RPRD2: variants seen among roughly 807,000 people sequenced by gnomAD.
RPRD2 encodes regulation of nuclear pre-mRNA domain-containing protein 2.
RPRD2 carries 12 observed loss-of-function variants against 104.4 expected under a neutral mutation model. That is an observed-to-expected ratio of 0.11 (90% CI 0.07 to 0.19). The LOEUF is 0.19. Ranked by LOEUF, RPRD2 falls within the 10% of genes least tolerant of loss-of-function variation. The pLI, the probability that RPRD2 is intolerant of heterozygous loss-of-function variation, is 1.00. For synonymous variants in RPRD2, 714 were observed against 684.9 expected, an observed-to-expected ratio of 1.04 and a Z score of -0.66; for missense variants, 1,543 against 1,790.1, an observed-to-expected ratio of 0.86 and a Z score of 2.49.
In RPRD2 at chr1:150,382,699, G is replaced by A. The variant is rs587688774; in HGVS notation, c.205+17780G>A. 2.6e-5 allele frequency among the ~76,000 whole-genome samples: 4 copies of A among 152,130 alleles called. No homozygotes were observed. In the East Asian group the frequency reaches 5.8e-4, roughly 22 times the overall value. On this transcript the variant is annotated intron_variant, in intron 1 of 10. Transcript: ENST00000369068. ...AATATAAATGCATCTTGTTGGGTGC[G>A]GTGGTACTTGCCTATAGTCCCAGCT...
intron 4 of RPRD2, 99 bp downstream of exon 4, chr1:150,442,057 C>A: frequency 1.1e-6 from 1 of 872,692 alleles, no homozygotes; most frequent in Non-Finnish European, 1.7e-6. Flanking sequence ...AAACCATGGG[C>A]AAGCCTGTTT....
chr1:150,455,987 C>T (rs919831935), intron 7 of RPRD2, among the ~76,000 whole-genome samples: 1 of 151,882 alleles, frequency 6.6e-6, no homozygotes, highest in Non-Finnish European at 1.5e-5. Flanking sequence ...CTACTATGCC[C>T]AGCTAATTTT....
Position 150,472,403 on chromosome 1 carries a change from G to T in RPRD2, c.3455G>T (p.Gly1152Val). Reference sequence around the variant, plus strand: ...AGTGCCTCTGAGTTGGCATCCCTTGGGGGTGGGGGCAGCGGAGGCCTCACT... The same window carrying T: ...AGTGCCTCTGAGTTGGCATCCCTTGTGGGTGGGGGCAGCGGAGGCCTCACT... Reference protein sequence around the residue: ...PSSASELASLGGGGSGGLTGF... With the variant: ...PSSASELASLVGGGSGGLTGF... Residue 1152 changes from glycine (G) to valine (V), a missense_variant, in exon 11 of 11, where the codon GGG becomes GTG. Gly to Val is a moderately radical substitution (Grantham distance 109). Coordinates refer to ENST00000369068, the MANE Select transcript of RPRD2 (RefSeq NM_015203.5). The T allele has an allele frequency of 6.2e-7, 1 of 1,613,942 alleles. No individual in the cohort carries two copies. The highest frequency in any genetic ancestry group is 8.5e-7 in the Non-Finnish European group (1 of 1,179,868).
In RPRD2 at chr1:150,401,385, C is replaced by T. The variant is rs587698954; in HGVS notation, c.206-16211C>T. On this transcript the variant is annotated intron_variant, in intron 1 of 10. Transcript: ENST00000369068. ...AGCCTGTAGTTACAGCTACTCGGGA[C>T]GCCAAGGCAGAAGAATTGCTTGAAC... Among the ~76,000 whole-genome samples, 42 of 151,636 alleles carry T rather than the reference C, an allele frequency of 2.8e-4. 1 individual carries two copies. In the East Asian group the frequency reaches 7.8e-3, roughly 28 times the overall value.
In RPRD2 at chr1:150,471,762, C is replaced by A; in HGVS notation, c.2814C>A (p.Phe938Leu). ...SPSPSKNDSF[F>L]TPDSNHNSLS... is the part of the protein sequence containing the mutation. Reference sequence around the variant, plus strand: ...CACCGAGTAAGAATGATTCATTTTTCACCCCTGACTCCAACCACAATAGCT... The same window carrying A: ...CACCGAGTAAGAATGATTCATTTTTAACCCCTGACTCCAACCACAATAGCT... Residue 938 changes from phenylalanine to leucine, a missense_variant, in exon 11 of 11, where the codon TTC becomes TTA. By Grantham distance (22) the Phe-to-Leu change is conservative. Coordinates refer to ENST00000369068, the MANE Select transcript of RPRD2 (RefSeq NM_015203.5). The surrounding 1 kb of genome is among the most constrained non-coding windows in gnomAD (Gnocchi z 5.3). The A allele has an allele frequency of 6.2e-7, 1 of 1,613,906 alleles. No homozygotes were observed. The highest frequency in any genetic ancestry group is 8.5e-7 in the Non-Finnish European group (1 of 1,179,854).
At chr1:150,397,000 G>A (rs1662580396) in intron 1 of RPRD2, among the ~76,000 whole-genome samples, 1 of 152,040 alleles carries the variant, frequency 6.6e-6, no homozygotes, top group African/African-American at 2.4e-5. Flanking sequence ...TTGAGACAGA[G>A]TCTTGCTCTG....
chr1:150,463,359 T>TAAAAATAAA (rs1553899254), intron 9 of RPRD2, among the ~76,000 whole-genome samples: 6 of 152,150 alleles, frequency 3.9e-5, no homozygotes, highest in Non-Finnish European at 5.9e-5. Context: ...AAATAAAGTA[T>TAAAAATAAA]TTTAATATAT....
intron 2 of RPRD2, among the ~76,000 whole-genome samples, chr1:150,433,646 G>A (rs1285837786): frequency 3.4e-5 from 5 of 148,362 alleles, no homozygotes; most frequent in East Asian, 1.9e-4. Context: ...GGGTTTCACA[G>A]TGTTAGCCAG....
intron 2 of RPRD2, among the ~76,000 whole-genome samples, chr1:150,439,007 G>A (rs1006781085): frequency 2.0e-5 from 3 of 151,978 alleles, no homozygotes; most frequent in Non-Finnish European, 4.4e-5. Flanking sequence ...GCTAATTTTT[G>A]TATTTTTAGT....
At chr1:150,466,224 A>G (rs1668262841) in intron 10 of RPRD2, among the ~76,000 whole-genome samples, 1 of 151,714 alleles carries the variant, frequency 6.6e-6, no homozygotes, top group Admixed American at 6.6e-5. Context: ...TAAAAATACA[A>G]AAAATTAGCC....
In RPRD2 at chr1:150,471,336, TGAA is replaced by T; in HGVS notation, c.2389_2391del (p.Glu797del). ...CATATCGACCCTTTGGTCTGGGCAG[TGAA>T]TCTCCCTATAAGCAGCCTTCTGATG... On this transcript the variant is annotated inframe_deletion, in exon 11 of 11. Transcript: ENST00000369068. This position sits in a 1 kb window ranked among gnomAD's most constrained non-coding sequence, Gnocchi z 5.3. 6.2e-7 allele frequency: 1 copy of T among 1,613,536 alleles called. No individual in the cohort carries two copies. The highest frequency in any genetic ancestry group is 1.3e-5 in the African/African-American group (1 of 74,888).
chr1:150,373,554 T>TTTTTTTTC (rs1660481918), intron 1 of RPRD2, among the ~76,000 whole-genome samples: 1 of 148,728 alleles, frequency 6.7e-6, no homozygotes, highest in African/African-American at 2.5e-5. Context: ...TTTTTTTTTT[T>TTTTTTTTC]AGCTTGAGCA....
chr1:150,389,972 T>C (rs1478207324), intron 1 of RPRD2, among the ~76,000 whole-genome samples: 1 of 152,152 alleles, frequency 6.6e-6, no homozygotes, highest in Non-Finnish European at 1.5e-5. Flanking sequence ...AGATGCTGAA[T>C]TGAACCTGGG....
intron 2 of RPRD2, among the ~76,000 whole-genome samples, chr1:150,436,144 A>C (rs1323919720): frequency 3.3e-5 from 5 of 152,138 alleles, no homozygotes; most frequent in African/African-American, 4.8e-5. Context: ...AAAAAAAAAA[A>C]ACACAGATTC....
At chr1:150,434,766 A>ACT (rs1665880894) in intron 2 of RPRD2, among the ~76,000 whole-genome samples, 2 of 152,296 alleles carry the variant, frequency 1.3e-5, no homozygotes, top group African/African-American at 4.8e-5. Context: ...GCAGTGAGCC[A>ACT]GGATCACGCC....
chr1:150,429,799 A>G (rs782401192), intron 2 of RPRD2, among the ~76,000 whole-genome samples: 4 of 152,236 alleles, frequency 2.6e-5, no homozygotes, highest in Non-Finnish European at 5.9e-5. Flanking sequence ...CTGGCAGAAT[A>G]GTCAACCATC....
chr1:150,464,600 A>G lies in RPRD2; in HGVS notation c.1485A>G (p.Thr495=). 2 of 1,594,734 alleles carry G rather than the reference A, an allele frequency of 1.3e-6. No individual in the cohort carries two copies. Among genetic ancestry groups the G allele is most frequent in the South Asian group, 2.2e-5 (2 of 89,216 alleles). Residue 495 remains threonine (T), a synonymous_variant, in exon 10 of 11, where the codon ACA becomes ACG. Coordinates refer to ENST00000369068, the MANE Select transcript of RPRD2 (RefSeq NM_015203.5). ...SPSNLTSGLK[T]PAPATTTSHN... ...GCAACCTCACCAGTGGCCTGAAAAC[A>G]CCTGCACCTGCCACGACAACATCTC...
At position 150,472,770 on chromosome 1, in the gene RPRD2, C is replaced by T; in HGVS notation, c.3822C>T (p.Pro1274=). 6.2e-7 allele frequency: 1 copy of T among 1,610,962 alleles called. No homozygotes were observed. Among genetic ancestry groups the T allele is most frequent in the Non-Finnish European group, 8.5e-7 (1 of 1,177,184 alleles). The change falls in exon 11 of 11, where the codon CCC becomes CCT. Residue 1274 remains proline, a synonymous_variant. Coordinates refer to ENST00000369068, the MANE Select transcript of RPRD2 (RefSeq NM_015203.5). ...GIPFPTPPPP[P]PPGEHSSSGG... ...CTTTCCCTACCCCACCTCCTCCTCC[C>T]CCTCCTGGGGAACATAGCAGCAGTG...
chr1:150,448,323 C>T (rs1419371282), intron 7 of RPRD2, among the ~76,000 whole-genome samples: 2 of 152,220 alleles, frequency 1.3e-5, no homozygotes, highest in East Asian at 3.9e-4. Flanking sequence ...TGCATGCCAT[C>T]ATGCCTGGCT....
Sources: allele counts gnomAD v4.1 joint callset (sites outside exome capture counted in the v4.1 genomes callset), GRCh38; gene constraint gnomAD v4.1.1; non-coding constraint Gnocchi (gnomAD v3.1); transcripts MANE v1.5; gene names NCBI Gene and HGNC (gene_info 2026-07-23, HGNC 2026-07-21).